TMEM132C: variants seen among roughly 807,000 people sequenced by gnomAD.
TMEM132C encodes the protein transmembrane protein 132C, also known as protein phosphatase 1, regulatory subunit 152.
Under a neutral mutation model 61.4 loss-of-function variants are expected in TMEM132C, and 29 were observed. The ratio of observed to expected loss-of-function variants is 0.47; its 90% CI spans 0.35 to 0.64. The LOEUF is 0.64. TMEM132C is among the 30% of genes least tolerant of loss of function. The pLI is 0.00. For synonymous variants in TMEM132C, 656 were observed against 633.1 expected (o/e 1.04, Z -0.54); for missense variants, 1,408 against 1,476.9 (o/e 0.95, Z 0.76).
intron 2 of TMEM132C, among the ~76,000 whole-genome samples, chr12:128,438,327 C>T (rs910760172): frequency 6.6e-6 from 1 of 152,000 alleles, no homozygotes. Flanking sequence ...TGTTAGTTAC[C>T]ATGAGAGCTG....
At chr12:128,587,091 G>A (rs964839741) in intron 3 of TMEM132C, among the ~76,000 whole-genome samples, 1 of 152,240 alleles carries the variant, frequency 6.6e-6, no homozygotes, top group African/African-American at 2.4e-5. Context: ...TCCATTCAGG[G>A]AATGCGTTCT....
At chr12:128,628,314 C>T (rs765445817) in intron 4 of TMEM132C, among the ~76,000 whole-genome samples, 4 of 152,172 alleles carry the variant, frequency 2.6e-5, no homozygotes, top group Non-Finnish European at 4.4e-5. Flanking sequence ...CACGGCGGCA[C>T]GCTGAGATCT....
At chr12:128,571,352 T>C (rs1023096779) in intron 3 of TMEM132C, among the ~76,000 whole-genome samples, 9 of 152,258 alleles carry the variant, frequency 5.9e-5, no homozygotes, top group Non-Finnish European at 1.2e-4. Flanking sequence ...CACAGTCTTC[T>C]ACAAAGGAGA....
chr12:128,681,817 A>ATTTTTTTTT (rs35154554), intron 5 of TMEM132C, among the ~76,000 whole-genome samples: 1,659 of 86,490 alleles, frequency 0.019, no homozygotes, highest in Middle Eastern at 0.025. Flanking sequence ...CCACGCCTGG[A>ATTTTTTTTT]TTTTTTTTTT....
chr12:128,443,255 T>C (rs1471157767), intron 2 of TMEM132C, among the ~76,000 whole-genome samples: 1 of 151,798 alleles, frequency 6.6e-6, no homozygotes, highest in Non-Finnish European at 1.5e-5. Flanking sequence ...AAATGGACAT[T>C]GGGGACTTGG....
At chr12:128,537,025 TAGG>T in intron 2 of TMEM132C, among the ~76,000 whole-genome samples, 1 of 152,224 alleles carries the variant, frequency 6.6e-6, no homozygotes. Context: ...CAATAAGCCA[TAGG>T]AGGAGTCATG....
In TMEM132C at chr12:128,527,068, G is replaced by A. The variant is rs79381670; in HGVS notation, c.975-16889G>A. On this transcript the variant is annotated intron_variant, in intron 2 of 8. Transcript: ENST00000435159. ...TGGCAAGCTAGGAAGATCCGTTTCA[G>A]CCCGTGCATCCTCATGAAGTCTCTC... 2.4e-3 allele frequency among the ~76,000 whole-genome samples: 368 copies of A among 152,312 alleles called. 1 individual carries two copies. Among genetic ancestry groups the A allele is most frequent in the African/African-American group, 8.2e-3 (342 of 41,564 alleles).
intron 1 of TMEM132C, among the ~76,000 whole-genome samples, chr12:128,363,270 T>C (rs1249395101): frequency 1.3e-5 from 2 of 152,258 alleles, no homozygotes; most frequent in Non-Finnish European, 2.9e-5. Context: ...ACTGTCACTT[T>C]TCAAAAGAAA....
intron 1 of TMEM132C, among the ~76,000 whole-genome samples, chr12:128,359,439 G>A (rs1260991759): frequency 1.3e-5 from 2 of 152,154 alleles, no homozygotes; most frequent in Non-Finnish European, 2.9e-5. Flanking sequence ...ATCTCCACCT[G>A]GCCCCACCCT....
chr12:128,401,974 A>C (rs1875176723), intron 1 of TMEM132C, among the ~76,000 whole-genome samples: 2 of 152,182 alleles, frequency 1.3e-5, no homozygotes, highest in Non-Finnish European at 2.9e-5. Context: ...AACTTTGCAG[A>C]TGTGATTAAG....
chr12:128,527,246 G>A (rs1873116639), intron 2 of TMEM132C, among the ~76,000 whole-genome samples: 2 of 152,202 alleles, frequency 1.3e-5, no homozygotes, highest in Non-Finnish European at 2.9e-5. Flanking sequence ...CTGGGGCACT[G>A]GGAGTGGGGT....
chr12:128,697,248 A>G lies in TMEM132C; in HGVS notation c.1954A>G (p.Ile652Val). ...GGTGTTGTCTCCACTGTCTGACTCC[A>G]TCCTGGCAGAGAAGACAATAACCGT... The part of the protein sequence containing the change: ...IQVLSPLSDS[I>V]LAEKTITVLD... The change falls in exon 8 of 9, where the codon ATC (isoleucine) becomes GTC (valine). Residue 652 changes from isoleucine to valine, a missense_variant. Transcript: ENST00000435159. 1 of 1,531,362 alleles carries G rather than the reference A, an allele frequency of 6.5e-7. No homozygotes were observed. The highest frequency in any genetic ancestry group is 8.8e-7 in the Non-Finnish European group (1 of 1,130,722). The allele number at this position is 1,531,362 out of a possible 1,614,324, so 94.9% of individuals were successfully genotyped here.
chr12:128,707,423 GT>G lies in TMEM132C; in HGVS notation c.*1133del, dbSNP rs1382734628. The G allele has an allele frequency of 6.6e-6, 1 of 152,194 alleles. No individual in the cohort carries two copies. The highest frequency in any genetic ancestry group is 1.5e-5 in the Non-Finnish European group (1 of 68,034). 9.4% of individuals were successfully genotyped at this position (152,194 alleles called of 1,614,324 possible). On this transcript the variant is annotated 3_prime_UTR_variant, in exon 9 of 9. Coordinates refer to ENST00000435159, the MANE Select transcript of TMEM132C (RefSeq NM_001136103.3). Reference sequence around the variant, plus strand: ...AACAAAGATAAAAACTGTTTGGAGGGTTTTTGAGTTGTTTTTCTTATGTTGT... The same window carrying G: ...AACAAAGATAAAAACTGTTTGGAGGGTTTTGAGTTGTTTTTCTTATGTTGT...
intron 2 of TMEM132C, among the ~76,000 whole-genome samples, chr12:128,425,955 G>A (rs1049828390): frequency 9.2e-5 from 14 of 152,168 alleles, no homozygotes; most frequent in African/African-American, 3.1e-4. Context: ...GAAGTTCCCC[G>A]TTTGATGTGA....
At chr12:128,633,984 TC>T (rs1954081856) in intron 4 of TMEM132C, among the ~76,000 whole-genome samples, 1 of 152,330 alleles carries the variant, frequency 6.6e-6, no homozygotes, top group East Asian at 1.9e-4. Flanking sequence ...TTATTGGATA[TC>T]CACAAAGCAC....
chr12:128,664,837 T>G (rs1954440226), intron 4 of TMEM132C, among the ~76,000 whole-genome samples: 1 of 152,208 alleles, frequency 6.6e-6, no homozygotes, highest in African/African-American at 2.4e-5. Context: ...GACAGAACAA[T>G]TGTATACACA....
At chr12:128,476,171 C>T (rs1593067186) in intron 2 of TMEM132C, among the ~76,000 whole-genome samples, 1 of 152,134 alleles carries the variant, frequency 6.6e-6, no homozygotes, top group Admixed American at 6.5e-5. Context: ...ACTGGCAGGG[C>T]ACCACCAAAA....
intron 2 of TMEM132C, among the ~76,000 whole-genome samples, chr12:128,538,880 GTACATGTGCTAATCA>G (rs2136143223): frequency 6.6e-6 from 1 of 152,100 alleles, no homozygotes; most frequent in East Asian, 1.9e-4. Context: ...TAAAATATAA[GTACATGTGCTAATCA>G]CAGTAAAATC....
At chr12:128,301,229 A>G (rs1039397535) in intron 1 of TMEM132C, among the ~76,000 whole-genome samples, 1 of 151,772 alleles carries the variant, frequency 6.6e-6, no homozygotes, top group African/African-American at 2.4e-5. Context: ...GAAAAATCAA[A>G]TAGACACAGA....
Sources: allele counts gnomAD v4.1 joint callset (sites outside exome capture counted in the v4.1 genomes callset), GRCh38; gene constraint gnomAD v4.1.1; transcripts MANE v1.5; gene names NCBI Gene and HGNC (gene_info 2026-07-23, HGNC 2026-07-21).